SLF1: variants seen among roughly 807,000 people sequenced by gnomAD.
SLF1 encodes the protein SMC5/6 complex localization factor 1, also known as SMC5-SMC6 complex localization factor protein 1.
Under a neutral mutation model 123.0 loss-of-function variants are expected in SLF1, and 105 were observed. That is an observed-to-expected ratio of 0.85 (90% CI 0.73 to 1.00). The LOEUF (loss-of-function observed/expected upper bound fraction) is 1.00, where lower values mean the gene tolerates loss of function less well. SLF1 is among the 50% of genes least tolerant of loss of function. The pLI, the probability that SLF1 is intolerant of heterozygous loss-of-function variation, is 0.00. For missense variants in SLF1, 1,239 were observed against 1,223.0 expected, an observed-to-expected ratio of 1.01 and a Z score of -0.20; for synonymous variants, 434 against 406.6, an observed-to-expected ratio of 1.07 and a Z score of -0.81.
At chr5:94,673,460 C>T (rs1356845525) in intron 14 of SLF1, among the ~76,000 whole-genome samples, 2 of 151,770 alleles carry the variant, frequency 1.3e-5, no homozygotes, top group Admixed American at 6.6e-5. Flanking sequence ...GGATTGCTTG[C>T]GGCCAGGAGC....
In SLF1 at chr5:94,691,650, G is replaced by A; in HGVS notation, c.2506G>A (p.Val836Ile). The stretch of plus-strand genomic sequence containing the variant: ...CTCTTTGCCAGGAATAGACATCAAT[G>A]TTAAAGGTAAGTTTTAAATCTTTGT... ...LLSLPGIDIN[V>I]KDNAGWTPLH... is the part of the protein sequence containing the mutation. Residue 836 changes from valine (V) to isoleucine (I), a missense_variant, in exon 19 of 21, where the codon GTT (valine) becomes ATT (isoleucine). Physicochemically the swap from Val to Ile is conservative, Grantham distance 29 (BLOSUM62 3). Coordinates refer to ENST00000265140, the MANE Select transcript of SLF1 (RefSeq NM_032290.4). 3 of 1,605,748 alleles carry A rather than the reference G, an allele frequency of 1.9e-6. No individual in the cohort carries two copies. Among genetic ancestry groups the A allele is most frequent in the Non-Finnish European group, 2.5e-6 (3 of 1,176,900 alleles).
At chr5:94,628,073 C>A (rs983191554) in intron 1 of SLF1, among the ~76,000 whole-genome samples, 1 of 152,060 alleles carries the variant, frequency 6.6e-6, no homozygotes, top group East Asian at 1.9e-4. Context: ...GTAATCTGCC[C>A]GCCTCGGCCT....
Position 94,670,152 on chromosome 5 carries a change from T to A in SLF1, c.1534T>A (p.Ser512Thr). 1 of 1,535,684 alleles carries A rather than the reference T, an allele frequency of 6.5e-7. No homozygotes were observed. The highest frequency in any genetic ancestry group is 8.8e-7 in the Non-Finnish European group (1 of 1,140,460). The change falls in exon 13 of 21, where the codon TCT becomes ACT. Residue 512 changes from serine to threonine, a missense_variant and splice_region_variant. Ser to Thr is a moderately conservative substitution (Grantham distance 58). Coordinates refer to ENST00000265140, the MANE Select transcript of SLF1 (RefSeq NM_032290.4). ...AWSLVEVLIRSCLFNESFCHQ... is the reference protein window; with the variant it reads ...AWSLVEVLIRTCLFNESFCHQ... ...GATTTTTGGGTTCATGTTTTTCAGG[T>A]CTTGCCTTTTCAATGAAAGCTTTTG... is the stretch of plus-strand genomic sequence containing the variant.
At chr5:94,681,487 T>A (rs1401560693) in intron 15 of SLF1, among the ~76,000 whole-genome samples, 2 of 152,172 alleles carry the variant, frequency 1.3e-5, no homozygotes, top group African/African-American at 4.8e-5. Flanking sequence ...TTCTATTTTC[T>A]TTTTTATTTT....
At chr5:94,620,749 C>A (rs530442815) in intron 1 of SLF1, among the ~76,000 whole-genome samples, 4 of 152,254 alleles carry the variant, frequency 2.6e-5, no homozygotes, top group African/African-American at 9.6e-5. Flanking sequence ...GAAAATATAT[C>A]TGTATAATGT....
chr5:94,652,250 C>T (rs1386703873), intron 7 of SLF1, among the ~76,000 whole-genome samples: 2 of 152,168 alleles, frequency 1.3e-5, no homozygotes, highest in Non-Finnish European at 2.9e-5. Flanking sequence ...ACCTTGTAAT[C>T]TGCCCACCTC....
chr5:94,636,436 G>T (rs1008224324), intron 4 of SLF1, among the ~76,000 whole-genome samples: 1 of 151,858 alleles, frequency 6.6e-6, no homozygotes, highest in African/African-American at 2.4e-5. Context: ...ATTCCCATAG[G>T]CTTTCTTCAT....
chr5:94,628,358 A>C (rs528418487), intron 1 of SLF1, among the ~76,000 whole-genome samples: 3 of 151,670 alleles, frequency 2.0e-5, no homozygotes, highest in African/African-American at 7.3e-5. Context: ...AGGCTGGTCT[A>C]GATTTCCTGA....
Position 94,665,931 on chromosome 5 carries a change from G to A in SLF1, c.1439G>A (p.Trp480Ter). ...GCTCTTCTTCACCTGCATCCTCCTT[G>A]GAAGTCTCCAGCCATGTCGAGATAT... ...LSALLHLHPP[W>*]KSPAMSRYYL... Residue 480 changes from tryptophan (W) to a stop codon, truncating the protein, a stop_gained, in exon 12 of 21, where the codon TGG (tryptophan) becomes TAG (stop). Coordinates refer to ENST00000265140, the MANE Select transcript of SLF1 (RefSeq NM_032290.4). LOFTEE classifies it high-confidence loss of function. 1 of 1,550,886 alleles carries A rather than the reference G, an allele frequency of 6.4e-7. No homozygotes were observed. The highest frequency in any genetic ancestry group is 8.7e-7 in the Non-Finnish European group (1 of 1,146,226).
chr5:94,654,327 A>G (rs1409529413), intron 8 of SLF1, among the ~76,000 whole-genome samples: 1 of 152,084 alleles, frequency 6.6e-6, no homozygotes, highest in East Asian at 1.9e-4. Flanking sequence ...ACAATTTGGA[A>G]CAGGATAAAT....
chr5:94,682,086 A>G (rs1751860880), intron 15 of SLF1, among the ~76,000 whole-genome samples: 2 of 152,236 alleles, frequency 1.3e-5, no homozygotes. Flanking sequence ...AAAAAGGCTT[A>G]AAAACACTTT....
chr5:94,666,953 CTTTTTTT>C (rs34215806), intron 12 of SLF1, among the ~76,000 whole-genome samples: 1 of 104,618 alleles, frequency 9.6e-6, no homozygotes, highest in Non-Finnish European at 1.8e-5. Context: ...CTGGGAAGAT[CTTTTTTT>C]TTTTTTTTTT....
At position 94,662,337 on chromosome 5, in the gene SLF1, G is replaced by C. The variant is rs1749215763; in HGVS notation, c.1195G>C (p.Val399Leu). The stretch of plus-strand genomic sequence containing the variant: ...CTGCATTAGAATAGATAAACAACCA[G>C]TGTACAACGTAGAGGTAAGGGGCTT... ...YNCIRIDKQPVYNVEVKNAEF... is the reference protein window; with the variant it reads ...YNCIRIDKQPLYNVEVKNAEF... Residue 399 changes from valine to leucine, a missense_variant, in exon 10 of 21, where the codon GTG (valine) becomes CTG (leucine). Coordinates refer to ENST00000265140, the MANE Select transcript of SLF1 (RefSeq NM_032290.4). 5 of 1,549,534 alleles carry C rather than the reference G, an allele frequency of 3.2e-6. No individual in the cohort carries two copies. The highest frequency in any genetic ancestry group is 3.9e-5 in the Admixed American group (2 of 50,740).
At chr5:94,653,488 A>G (rs1747991457) in intron 8 of SLF1, 67 bp downstream of exon 8, 3 of 1,289,038 alleles carry the variant, frequency 2.3e-6, no homozygotes, top group East Asian at 2.9e-5. Flanking sequence ...TATAATCTAG[A>G]TATATAATGC....
At chr5:94,659,300 T>C (rs1220135329) in intron 9 of SLF1, among the ~76,000 whole-genome samples, 1 of 152,234 alleles carries the variant, frequency 6.6e-6, no homozygotes, top group Non-Finnish European at 1.5e-5. Context: ...GTTTTTTTAA[T>C]ATCATCATTT....
chr5:94,684,130 A>G (rs1037654565), intron 15 of SLF1, among the ~76,000 whole-genome samples: 7 of 152,148 alleles, frequency 4.6e-5, no homozygotes, highest in African/African-American at 7.2e-5. Flanking sequence ...GTAAATTTCA[A>G]TGTGAGATCA....
intron 4 of SLF1, among the ~76,000 whole-genome samples, chr5:94,631,986 T>C (rs1745255257): frequency 1.1e-5 from 1 of 90,140 alleles, no homozygotes; most frequent in South Asian, 3.4e-4. Flanking sequence ...TTTTTTTTTT[T>C]TTCCAAATTA....
intron 15 of SLF1, among the ~76,000 whole-genome samples, chr5:94,682,716 T>C (rs558563471): frequency 1.9e-4 from 29 of 152,362 alleles, no homozygotes; most frequent in African/African-American, 7.0e-4. Flanking sequence ...GATGCCACTC[T>C]ATGTTGTTTC....
At chr5:94,631,205 G>T (rs942553228) in intron 4 of SLF1, among the ~76,000 whole-genome samples, 1 of 151,592 alleles carries the variant, frequency 6.6e-6, no homozygotes, top group African/African-American at 2.4e-5. Context: ...TTCTAAGACT[G>T]CTGTTACTTT....
Sources: allele counts gnomAD v4.1 joint callset (sites outside exome capture counted in the v4.1 genomes callset), GRCh38; gene constraint gnomAD v4.1.1; transcripts MANE v1.5; gene names NCBI Gene and HGNC (gene_info 2026-07-23, HGNC 2026-07-21).